Variants in BOD1L1 observed in about 807,000 individuals in gnomAD.
BOD1L1 encodes the protein biorientation of chromosomes in cell division protein 1-like 1.
In BOD1L1, 86 loss-of-function variants were observed where a neutral mutation model predicts 240.7. That is an observed-to-expected ratio of 0.36 (90% CI 0.30 to 0.43). BOD1L1 has a LOEUF of 0.43. Among genes scored for constraint, BOD1L1 ranks in the 20% least tolerant of loss-of-function variants. The pLI is 1.00. For missense variants in BOD1L1, 3,554 were observed against 3,643.5 expected (o/e 0.98, Z 0.63); for synonymous variants, 1,268 against 1,272.3 (o/e 1.00, Z 0.07).
intron 2 of BOD1L1, among the ~76,000 whole-genome samples, chr4:13,619,493 A>G (rs1202488440): frequency 1.3e-5 from 2 of 152,110 alleles, no homozygotes; most frequent in Non-Finnish European, 1.5e-5. Context: ...AGTAAAATGC[A>G]AAAGACGGGG....
intron 2 of BOD1L1, among the ~76,000 whole-genome samples, chr4:13,616,460 T>A (rs139305101): frequency 6.6e-6 from 1 of 152,356 alleles, no homozygotes; most frequent in African/African-American, 2.4e-5. Context: ...ATCTGTGAAA[T>A]GTGCTTCTGC....
chr4:13,594,527 C>T (rs188309431), intron 12 of BOD1L1, among the ~76,000 whole-genome samples: 1 of 152,286 alleles, frequency 6.6e-6, no homozygotes, highest in African/African-American at 2.4e-5. Context: ...CTTACAGACT[C>T]ATGAGTGCTC....
chr4:13,626,936 T>C (rs1717439806), intron 1 of BOD1L1, among the ~76,000 whole-genome samples: 1 of 152,206 alleles, frequency 6.6e-6, no homozygotes, highest in Non-Finnish European at 1.5e-5. Context: ...TTGATTCAAT[T>C]ACCATTTAGT....
chr4:13,578,329 G>A (rs532366930), intron 22 of BOD1L1: 1 of 152,154 alleles, frequency 6.6e-6, no homozygotes, highest in Non-Finnish European at 1.5e-5. Flanking sequence ...ATATACAGGC[G>A]GAGCATCCCT....
chr4:13,602,039 C>G lies in BOD1L1; in HGVS notation c.4861G>C (p.Ala1621Pro). 4 of 1,613,996 alleles carry G rather than the reference C, an allele frequency of 2.5e-6. No homozygotes were observed. The highest frequency in any genetic ancestry group is 3.4e-6 in the Non-Finnish European group (4 of 1,179,896). Reference protein sequence around the residue: ...KEGESGECAVAESEDRAADLL... With the variant: ...KEGESGECAVPESEDRAADLL... ...TCTGCTGCTCTGTCCTCAGATTCAG[C>G]CACAGCACACTCCCCACTTTCCCCT... is the stretch of plus-strand genomic sequence containing the variant. The change falls in exon 10 of 26, where the codon GCT becomes CCT. Residue 1621 changes from alanine to proline, a missense_variant. Coordinates refer to ENST00000040738, the MANE Select transcript of BOD1L1 (RefSeq NM_148894.3).
intron 1 of BOD1L1, among the ~76,000 whole-genome samples, chr4:13,620,939 TGGAGACA>T (rs1177506176): frequency 6.6e-6 from 1 of 152,152 alleles, no homozygotes; most frequent in Non-Finnish European, 1.5e-5. Flanking sequence ...TGGCAATGTC[TGGAGACA>T]TTTTAGGTTG....
chr4:13,584,352 G>T, intron 17 of BOD1L1, among the ~76,000 whole-genome samples: 1 of 151,746 alleles, frequency 6.6e-6, no homozygotes, highest in East Asian at 1.9e-4. Context: ...TGCTCTGTGT[G>T]TGTGTGTGTG....
Position 13,599,239 on chromosome 4 carries a change from G to A in BOD1L1, c.7661C>T (p.Ala2554Val). 6.2e-7 allele frequency: 1 copy of A among 1,613,754 alleles called. No homozygotes were observed. Among genetic ancestry groups the A allele is most frequent in the East Asian group, 2.2e-5 (1 of 44,878 alleles). ...GTTGTCTTCAGACCCCTGCTGCTCA[G>A]CAGGAAGAAAGGAATGCTCAGCCAC... ...GTVAEHSFLP[A>V]EQQGSEDNLK... is the part of the protein sequence containing the mutation. Residue 2554 changes from alanine (A) to valine (V), a missense_variant, in exon 10 of 26, where the codon GCT (alanine) becomes GTT (valine). Ala to Val is a moderately conservative substitution (Grantham distance 64, BLOSUM62 0). This residue lies in a region of BOD1L1 where 3,393 missense variants were observed against 3,427.1 expected (regional missense o/e 0.99). Coordinates refer to ENST00000040738, the MANE Select transcript of BOD1L1 (RefSeq NM_148894.3).
chr4:13,586,085 A>T (rs2108903668), intron 17 of BOD1L1, among the ~76,000 whole-genome samples: 1 of 152,356 alleles, frequency 6.6e-6, no homozygotes, highest in South Asian at 2.1e-4. Flanking sequence ...GATAAAGCAC[A>T]TTATACTTTT....
chr4:13,619,420 A>C (rs550994924), intron 2 of BOD1L1, among the ~76,000 whole-genome samples: 1 of 152,226 alleles, frequency 6.6e-6, no homozygotes, highest in African/African-American at 2.4e-5. Flanking sequence ...GGCTCTGACA[A>C]GTCCAAACAC....
rs1715070559 is a variant in BOD1L1, at chr4:13,600,761, T to C, written c.6139A>G (p.Met2047Val). The change falls in exon 10 of 26, where the codon ATG (methionine) becomes GTG (valine). Residue 2047 changes from methionine to valine, a missense_variant. This residue lies in a region of BOD1L1 where 3,393 missense variants were observed against 3,427.1 expected (regional missense o/e 0.99). Coordinates refer to ENST00000040738, the MANE Select transcript of BOD1L1 (RefSeq NM_148894.3). Reference sequence around the variant, plus strand: ...ATATCACCACTGGCTGTAGTTGCCATGAGACCATCACACTCTTCATTTTCT... The same window carrying C: ...ATATCACCACTGGCTGTAGTTGCCACGAGACCATCACACTCTTCATTTTCT... Reference protein sequence around the residue: ...SVENEECDGLMATTASGDITN... With the variant: ...SVENEECDGLVATTASGDITN... The C allele has an allele frequency of 1.2e-6, 2 of 1,613,936 alleles. No individual in the cohort carries two copies. Among genetic ancestry groups the C allele is most frequent in the South Asian group, 1.1e-5 (1 of 91,090 alleles).
Position 13,581,198 on chromosome 4 carries a change from G to C in BOD1L1, c.8602C>G (p.Pro2868Ala). Reference protein sequence around the residue: ...DTIKSQEEDQPIIIKRKRGRP... With the variant: ...DTIKSQEEDQAIIIKRKRGRP... ...CCTCTTTTCCTTTTAATAATTATTGGCTGATCTTCCTAAGGGGGAAATAAA... is the reference window on the plus strand; with the variant it reads ...CCTCTTTTCCTTTTAATAATTATTGCCTGATCTTCCTAAGGGGGAAATAAA... The change falls in exon 20 of 26, where the codon CCA becomes GCA. Residue 2868 changes from proline to alanine, a missense_variant. Physicochemically the swap from Pro to Ala is conservative, Grantham distance 27. Around this residue, in one of 2 missense-constraint regions of BOD1L1, gnomAD observed 3,393 missense variants for 3,427.1 expected, o/e 0.99. Transcript: ENST00000040738. 6.4e-7 allele frequency: 1 copy of C among 1,564,506 alleles called. No individual in the cohort carries two copies. The highest frequency in any genetic ancestry group is 1.2e-5 in the South Asian group (1 of 84,224).
At chr4:13,586,314 T>A (rs1426869579) in intron 17 of BOD1L1, 82 bp downstream of exon 17, 4 of 686,174 alleles carry the variant, frequency 5.8e-6, no homozygotes, top group Admixed American at 3.1e-5. Context: ...ATGAAAAAAA[T>A]ATTATACTAA....
At chr4:13,607,038 T>G (rs1715763539) in intron 9 of BOD1L1, 79 bp downstream of exon 9, 4 of 978,260 alleles carry the variant, frequency 4.1e-6, no homozygotes. Flanking sequence ...TCAAATTACA[T>G]TCTAAGTTTT....
chr4:13,598,620 C>A (rs1271941350), intron 10 of BOD1L1, among the ~76,000 whole-genome samples: 1 of 152,064 alleles, frequency 6.6e-6, no homozygotes, highest in African/African-American at 2.4e-5. Context: ...TGACAAAAAA[C>A]CTGTAGGTCA....
intron 2 of BOD1L1, 97 bp from the exon 3 acceptor site, chr4:13,615,599 C>T: frequency 8.7e-7 from 1 of 1,143,338 alleles, no homozygotes; most frequent in African/African-American, 1.6e-5. Context: ...ATCTATCTAT[C>T]CATCCATCCA....
rs774479822 is a variant in BOD1L1 at position 13,604,632 on chromosome 4, C to G, written c.2268G>C (p.Glu756Asp). Residue 756 changes from glutamate (E) to aspartate (D), a missense_variant, in exon 10 of 26, where the codon GAG becomes GAC. By Grantham distance (45) the Glu-to-Asp change is conservative (BLOSUM62 2). Transcript: ENST00000040738. ...CTTTCTCAGAAGAGTGAAGCTCAGT[C>G]TCATCACCTGTTTTATGCATACAAT... The part of the protein sequence containing the change: ...KGDCMHKTGD[E>D]TELHSSEKGL... 5.7e-6 allele frequency: 9 copies of G among 1,578,704 alleles called. No homozygotes were observed. The South Asian group carries it at 1.1e-4, about 19-fold the overall frequency.
Position 13,613,405 on chromosome 4 carries a change from C to T in BOD1L1, c.1324+107G>A. Reference sequence around the variant, plus strand: ...AACAAATCTTCCAACTACAAAATCCCATGCTCTTGCTACTATACCACACTG... The same window carrying T: ...AACAAATCTTCCAACTACAAAATCCTATGCTCTTGCTACTATACCACACTG... On this transcript the variant is annotated intron_variant, in intron 5 of 25. Transcript: ENST00000040738. The surrounding 1 kb of genome is among the most constrained non-coding windows in gnomAD (Gnocchi z 4.0). 2 of 1,073,624 alleles carry T rather than the reference C, an allele frequency of 1.9e-6. No homozygotes were observed. The allele number at this position is 1,073,624 out of a possible 1,614,324, so 66.5% of individuals were successfully genotyped here.
intron 22 of BOD1L1, among the ~76,000 whole-genome samples, chr4:13,578,390 C>A (rs1485306329): frequency 6.6e-6 from 1 of 152,170 alleles, no homozygotes; most frequent in African/African-American, 2.4e-5. Flanking sequence ...ACTTTTTGAG[C>A]ACCAACATGA....
Sources: allele counts gnomAD v4.1 joint callset (sites outside exome capture counted in the v4.1 genomes callset), GRCh38; gene constraint gnomAD v4.1.1; regional missense constraint gnomAD v4.1.1; non-coding constraint Gnocchi (gnomAD v3.1); transcripts MANE v1.5; gene names NCBI Gene and HGNC (gene_info 2026-07-23, HGNC 2026-07-21).